The following APELA variants were observed in gnomAD, a reference collection of about 807,000 sequenced individuals.
APELA encodes apelin receptor early endogenous ligand.
chr4:164,882,045 A>G (rs190024946), intron 2 of APELA, among the ~76,000 whole-genome samples: 9 of 152,132 alleles, frequency 5.9e-5, no homozygotes, highest in Admixed American at 6.5e-5. Flanking sequence ...CTTACTTAAT[A>G]TGTACTCTAG....
At chr4:164,878,297 GTTAAA>G (rs1438507570) in intron 1 of APELA, among the ~76,000 whole-genome samples, 1 of 152,004 alleles carries the variant, frequency 6.6e-6, no homozygotes, top group Non-Finnish European at 1.5e-5. Flanking sequence ...ATCCAAATAT[GTTAAA>G]TTATTCACTT....
chr4:164,881,669 G>A (rs949706465), intron 2 of APELA, among the ~76,000 whole-genome samples: 9 of 151,910 alleles, frequency 5.9e-5, no homozygotes, highest in African/African-American at 1.2e-4. Flanking sequence ...AAATGAGGTC[G>A]CGACTTAAGG....
intron 2 of APELA, among the ~76,000 whole-genome samples, chr4:164,883,444 A>T (rs578012099): frequency 6.6e-6 from 1 of 150,830 alleles, no homozygotes; most frequent in African/African-American, 2.4e-5. Context: ...ACAGACATCT[A>T]CATCTACAAT....
intron 2 of APELA, among the ~76,000 whole-genome samples, chr4:164,885,539 G>C (rs575981933): frequency 6.6e-6 from 1 of 151,830 alleles, no homozygotes; most frequent in African/African-American, 2.4e-5. Flanking sequence ...TCAGGAGTTC[G>C]AGACCAGCCT....
chr4:164,898,142 C>T (rs553369661), downstream of APELA, among the ~76,000 whole-genome samples: 7 of 152,048 alleles, frequency 4.6e-5, no homozygotes, highest in African/African-American at 1.7e-4. Flanking sequence ...TTGCCAGCCT[C>T]GGCCTCCCAA....
chr4:164,886,699 CTT>C (rs1219559202), intron 2 of APELA, among the ~76,000 whole-genome samples: 1 of 152,178 alleles, frequency 6.6e-6, no homozygotes, highest in African/African-American at 2.4e-5. Context: ...TACTTATACA[CTT>C]ATATATCAAT....
intron 2 of APELA, among the ~76,000 whole-genome samples, chr4:164,892,626 A>G (rs2111068068): frequency 6.6e-6 from 1 of 152,290 alleles, no homozygotes; most frequent in South Asian, 2.1e-4. Context: ...TTGGGTAACC[A>G]TAAAATGACG....
chr4:164,878,677 C>T (rs1730602282), intron 1 of APELA, among the ~76,000 whole-genome samples: 1 of 152,094 alleles, frequency 6.6e-6, no homozygotes, highest in African/African-American at 2.4e-5. Flanking sequence ...TAAGATGTTG[C>T]TATGTTGCTC....
chr4:164,897,091 T>C lies in APELA; in HGVS notation c.*1677T>C, dbSNP rs1730991865. 1 of 152,174 alleles carries C rather than the reference T, an allele frequency of 6.6e-6. No individual in the cohort carries two copies. The highest frequency in any genetic ancestry group is 2.4e-5 in the African/African-American group (1 of 41,438). The allele number at this position is 152,174 out of a possible 1,614,324, so 9.4% of individuals were successfully genotyped here. A position where few individuals can be genotyped will look rare whatever the true frequency, so the allele number is the denominator to read the frequency against. ...CACCATGCTGGGCCACAAGTTCATA[T>C]CTGGAGTAGAAGTTTTACTTTGTAA... On this transcript the variant is annotated 3_prime_UTR_variant, in exon 3 of 3. Transcript: ENST00000507152.
rs4289404 is a variant in APELA, at chr4:164,884,004, C to A, written c.*1+4995C>A. On this transcript the variant is annotated intron_variant, in intron 2 of 2. Transcript: ENST00000507152. Reference sequence around the variant, plus strand: ...AAATAAAAAGAAGAGAGAAAGAAGACAGAAAGAGAGGAAGAGAAGAAAGAG... The same window carrying A: ...AAATAAAAAGAAGAGAGAAAGAAGAAAGAAAGAGAGGAAGAGAAGAAAGAG... 8.9e-3 allele frequency among the ~76,000 whole-genome samples: 1,017 copies of A among 114,832 alleles called. 6 individuals carry two copies. The highest frequency in any genetic ancestry group is 0.014 in the Non-Finnish European group (735 of 54,382). 75.3% of individuals were successfully genotyped at this position (114,832 alleles called of 152,430 possible).
At chr4:164,893,116 T>A (rs1730912453) in intron 2 of APELA, among the ~76,000 whole-genome samples, 1 of 152,176 alleles carries the variant, frequency 6.6e-6, no homozygotes. Context: ...TCTGCTGTAA[T>A]CATTATTATT....
intron 2 of APELA, among the ~76,000 whole-genome samples, chr4:164,889,157 G>A (rs924287692): frequency 2.1e-5 from 3 of 144,994 alleles, no homozygotes; most frequent in South Asian, 2.5e-4. Flanking sequence ...ACTGGCCAAA[G>A]TAACCTCGGT....
chr4:164,878,066 C>A (rs1372889916), intron 1 of APELA, among the ~76,000 whole-genome samples: 1 of 146,688 alleles, frequency 6.8e-6, no homozygotes, highest in Admixed American at 6.9e-5. Context: ...AAATTTAGTA[C>A]ACAAAAGTAT....
downstream of APELA, chr4:164,897,639 A>C (rs1395694159): frequency 1.3e-5 from 2 of 152,220 alleles, no homozygotes; most frequent in Admixed American, 6.5e-5. Context: ...TAATTGAGGC[A>C]TTTAAGACTG....
intron 2 of APELA, among the ~76,000 whole-genome samples, chr4:164,891,472 TA>T (rs1204281004): frequency 6.6e-6 from 1 of 152,198 alleles, no homozygotes; most frequent in African/African-American, 2.4e-5. Context: ...AGGTCTACTT[TA>T]ATTGCTTTTG....
intron 2 of APELA, among the ~76,000 whole-genome samples, chr4:164,887,247 A>G (rs1579110302): frequency 6.6e-6 from 1 of 152,182 alleles, no homozygotes; most frequent in African/African-American, 2.4e-5. Flanking sequence ...TCTTTTTAGC[A>G]TAAATCCCAT....
At chr4:164,881,382 G>C (rs1160516915) in intron 2 of APELA, among the ~76,000 whole-genome samples, 7 of 152,130 alleles carry the variant, frequency 4.6e-5, no homozygotes, top group Admixed American at 4.6e-4. Context: ...CTTTATTAGA[G>C]TGTTCAGACC....
At position 164,887,491 on chromosome 4, in the gene APELA, T is replaced by C. The variant is rs1730796772; in HGVS notation, c.*2-7925T>C. Among the ~76,000 whole-genome samples the C allele has an allele frequency of 2.0e-5, 3 of 152,146 alleles. 1 individual carries two copies. The South Asian group carries it at 6.2e-4, about 32-fold the overall frequency. On this transcript the variant is annotated intron_variant, in intron 2 of 2. Transcript: ENST00000507152. ...AAAAACACACATATACACATCCACA[T>C]ACCCCTCAGTCAATGCTCTCATGAT...
intron 2 of APELA, among the ~76,000 whole-genome samples, chr4:164,894,597 G>T (rs1469132280): frequency 6.6e-6 from 1 of 151,940 alleles, no homozygotes; most frequent in Non-Finnish European, 1.5e-5. Flanking sequence ...TAGAGACAGG[G>T]TTTCACCATG....
Sources: gnomAD v4.1 joint callset for allele counts (sites outside exome capture counted in the v4.1 genomes callset) on GRCh38, gnomAD v4.1.1 for gene constraint, MANE v1.5 for transcripts, NCBI Gene and HGNC (gene_info 2026-07-23, HGNC 2026-07-21) for gene names.